PPA1: variants seen among roughly 807,000 people sequenced by gnomAD.
PPA1 encodes the protein inorganic pyrophosphatase.
Under a neutral mutation model 41.8 loss-of-function variants are expected in PPA1, and 23 were observed. The observed-to-expected ratio is 0.55, with a 90% CI of 0.40 to 0.78. The LOEUF is 0.78. Among genes scored for constraint, PPA1 ranks in the 30% least tolerant of loss-of-function variants. The probability of loss-of-function intolerance (pLI) is 0.00; values close to 1 mark genes in which losing one functional copy is unlikely to be tolerated. For synonymous variants in PPA1, 101 were observed against 116.8 expected (o/e 0.86, Z 0.87); for missense variants, 320 against 361.6 (o/e 0.89, Z 0.93).
At chr10:70,222,911 C>A (rs1044943885) in intron 2 of PPA1, among the ~76,000 whole-genome samples, 1 of 149,424 alleles carries the variant, frequency 6.7e-6, no homozygotes, top group Non-Finnish European at 1.5e-5. Flanking sequence ...TCAATTCCCA[C>A]CTATGAGTGA....
chr10:70,207,751 C>T (rs1022703716), intron 8 of PPA1, among the ~76,000 whole-genome samples: 1 of 151,968 alleles, frequency 6.6e-6, no homozygotes, highest in African/African-American at 2.4e-5. Context: ...TAATACAATC[C>T]TAATATGTTT....
Position 70,205,912 on chromosome 10 carries a change from C to T in PPA1, c.795+352G>A, listed in dbSNP as rs146975442. ...CTAAAACTTGATACCTTCCTCAGTC[C>T]TTGCTAGAACCAAGTCAAGTAAATT... On this transcript the variant is annotated intron_variant, in intron 9 of 10. Coordinates refer to ENST00000373232, the MANE Select transcript of PPA1 (RefSeq NM_021129.4). 5.0e-3 allele frequency: 995 copies of T among 197,770 alleles called. 15 individuals are homozygous for T. Among genetic ancestry groups the T allele is most frequent in the African/African-American group, 0.021 (938 of 43,908 alleles). 12.3% of individuals were successfully genotyped at this position (197,770 alleles called of 1,614,324 possible). A position where few individuals can be genotyped will look rare whatever the true frequency, so the allele number is the denominator to read the frequency against.
chr10:70,226,290 G>A (rs1433465273), intron 2 of PPA1, among the ~76,000 whole-genome samples: 1 of 152,134 alleles, frequency 6.6e-6, no homozygotes, highest in Admixed American at 6.6e-5. Context: ...AGAATAAGCT[G>A]CTGGCTGGGT....
Position 70,232,508 on chromosome 10 carries a change from C to T in PPA1, c.64+756G>A, listed in dbSNP as rs1360207460. On this transcript the variant is annotated intron_variant, in intron 1 of 10. Transcript: ENST00000373232. ...CAGCCTCCCGGTTTCCCCGTGCAGCCCTAGGTGCAGGACCCGGGGTAGGTA... is the reference window on the plus strand; with the variant it reads ...CAGCCTCCCGGTTTCCCCGTGCAGCTCTAGGTGCAGGACCCGGGGTAGGTA... Among the ~76,000 whole-genome samples, 8 of 152,190 alleles carry T rather than the reference C, an allele frequency of 5.3e-5. No homozygotes were observed. In the East Asian group the frequency reaches 1.5e-3, roughly 29 times the overall value.
chr10:70,206,661 C>T (rs60609289), intron 8 of PPA1, among the ~76,000 whole-genome samples: 13,688 of 150,794 alleles, frequency 0.091, 837 homozygotes, highest in East Asian at 0.23. Flanking sequence ...CTGGCCAACA[C>T]GGTGAAACCC....
At chr10:70,208,331 A>G (rs1341193264) in intron 8 of PPA1, among the ~76,000 whole-genome samples, 1 of 152,110 alleles carries the variant, frequency 6.6e-6, no homozygotes, top group Non-Finnish European at 1.5e-5. Context: ...TTAAAAGCCA[A>G]ATCTTTTTCC....
rs575411597 is a variant in PPA1, at chr10:70,206,489, G to T, written c.726-156C>A. Among the ~76,000 whole-genome samples the T allele has an allele frequency of 5.3e-5, 8 of 152,116 alleles. No homozygotes were observed. In the East Asian group the frequency reaches 1.2e-3, roughly 22 times the overall value. ...ATTTAACATTCTAATTATGTATTTT[G>T]GCAAGGCATAGCTATTCTTGTGATC... On this transcript the variant is annotated intron_variant, in intron 8 of 10. Transcript: ENST00000373232.
chr10:70,228,627 G>A (rs1015066915), intron 2 of PPA1, among the ~76,000 whole-genome samples: 2 of 152,124 alleles, frequency 1.3e-5, no homozygotes, highest in African/African-American at 4.8e-5. Context: ...TAACAAATTC[G>A]AGTTTCTGAA....
intron 6 of PPA1, among the ~76,000 whole-genome samples, chr10:70,210,999 A>G (rs1385544341): frequency 6.6e-6 from 1 of 152,066 alleles, no homozygotes. Flanking sequence ...TCCTGACCTC[A>G]TGATTCGCCT....
chr10:70,227,650 CAAAAA>C (rs11382289), intron 2 of PPA1, among the ~76,000 whole-genome samples: 1 of 75,124 alleles, frequency 1.3e-5, no homozygotes, highest in Admixed American at 1.9e-4. Flanking sequence ...AACCCTATCT[CAAAAA>C]AAAAAAAAAA....
At chr10:70,213,326 T>G in intron 6 of PPA1, 137 bp downstream of exon 6, 1 of 1,034,866 alleles carries the variant, frequency 9.7e-7, no homozygotes, top group Non-Finnish European at 1.3e-6. Context: ...GTCATAGAAA[T>G]AATGCTTGTC....
chr10:70,221,060 A>ATT, intron 2 of PPA1, among the ~76,000 whole-genome samples: 1 of 15,164 alleles, frequency 6.6e-5, no homozygotes, highest in South Asian at 2.2e-3. Flanking sequence ...TATATAATTT[A>ATT]TATATATATA....
intron 1 of PPA1, 58 bp downstream of exon 1, chr10:70,233,206 A>G (rs1162746299): frequency 1.1e-5 from 16 of 1,497,692 alleles, no homozygotes; most frequent in African/African-American, 1.4e-5. Flanking sequence ...CGGGGAGGCA[A>G]GGCCCGGGAA....
intron 2 of PPA1, among the ~76,000 whole-genome samples, chr10:70,228,341 C>T (rs766934358): frequency 1.3e-5 from 2 of 152,148 alleles, no homozygotes; most frequent in African/African-American, 2.4e-5. Context: ...TATGATCATT[C>T]TGGTCCTTGG....
At chr10:70,223,467 G>C (rs1287527291) in intron 2 of PPA1, among the ~76,000 whole-genome samples, 1 of 152,080 alleles carries the variant, frequency 6.6e-6, no homozygotes, top group African/African-American at 2.4e-5. Flanking sequence ...TGATCCTCCT[G>C]CCTATGCATC....
Position 70,230,381 on chromosome 10 carries a change from T to C in PPA1, c.83A>G (p.Tyr28Cys), listed in dbSNP as rs758082168. Residue 28 changes from tyrosine (Y) to cysteine (C), a missense_variant, in exon 2 of 11, where the codon TAT (tyrosine) becomes TGT (cysteine). Physicochemically the swap from Tyr to Cys is radical, Grantham distance 194 (BLOSUM62 -2). Coordinates refer to ENST00000373232, the MANE Select transcript of PPA1 (RefSeq NM_021129.4). Reference protein sequence around the residue: ...RVFLKNEKGQYISPFHDIPIY... With the variant: ...RVFLKNEKGQCISPFHDIPIY... ...TGGAATATCATGAAATGGAGATATA[T>C]ATTGTCCTTTCTCATTTTCTGCAAA... 3 of 1,611,938 alleles carry C rather than the reference T, an allele frequency of 1.9e-6. No homozygotes were observed. The highest frequency in any genetic ancestry group is 2.5e-6 in the Non-Finnish European group (3 of 1,179,054).
chr10:70,232,183 CT>C (rs942988369), intron 1 of PPA1, among the ~76,000 whole-genome samples: 1 of 152,202 alleles, frequency 6.6e-6, no homozygotes, highest in Non-Finnish European at 1.5e-5. Context: ...CACCAGGCTA[CT>C]TTTTGTTCCT....
intron 2 of PPA1, among the ~76,000 whole-genome samples, chr10:70,222,102 G>A (rs1019445737): frequency 1.3e-4 from 19 of 151,980 alleles, no homozygotes; most frequent in African/African-American, 4.1e-4. Flanking sequence ...TTGGGAGGCC[G>A]AGGTGGGCGG....
intron 4 of PPA1, among the ~76,000 whole-genome samples, chr10:70,215,062 G>A (rs1840063530): frequency 1.3e-5 from 2 of 152,136 alleles, no homozygotes; most frequent in Admixed American, 1.3e-4. Flanking sequence ...AGGCGTGGTG[G>A]TGCATGCCTG....
Sources: gnomAD v4.1 joint callset for allele counts (sites outside exome capture counted in the v4.1 genomes callset) on GRCh38, gnomAD v4.1.1 for gene constraint, MANE v1.5 for transcripts, NCBI Gene and HGNC (gene_info 2026-07-23, HGNC 2026-07-21) for gene names.